PBX1: variants seen among roughly 807,000 people sequenced by gnomAD.
The protein encoded by PBX1 is PBX homeobox 1.
Under a neutral mutation model 53.4 loss-of-function variants are expected in PBX1, and 6 were observed. That is an observed-to-expected ratio of 0.11 (90% CI 0.06 to 0.22). PBX1 has a LOEUF of 0.22. Ranked by LOEUF, PBX1 falls within the 10% of genes least tolerant of loss-of-function variation. PBX1 has a pLI of 1.00. For synonymous variants in PBX1, 204 were observed against 212.3 expected (o/e 0.96, Z 0.34); for missense variants, 251 against 551.4 (o/e 0.46, Z 5.46).
chr1:164,785,030 G>A lies in PBX1; in HGVS notation c.266-7464G>A, dbSNP rs565979801. 9.8e-5 allele frequency among the ~76,000 whole-genome samples: 15 copies of A among 152,300 alleles called. No individual in the cohort carries two copies. In the South Asian group the frequency reaches 3.1e-3, roughly 32 times the overall value. ...CTAGAGGGCTGAGAGACAACCCGGG[G>A]GAACAAGGGTGGCTTTCAACATTTG... On this transcript the variant is annotated intron_variant, in intron 2 of 8. Transcript: ENST00000420696.
intron 2 of PBX1, among the ~76,000 whole-genome samples, chr1:164,574,798 A>G (rs1654107667): frequency 1.3e-5 from 2 of 152,226 alleles, no homozygotes; most frequent in South Asian, 4.1e-4. Flanking sequence ...CCTGGCCAAC[A>G]TGGCGAAATG....
At chr1:164,590,321 C>T (rs1415415466) in intron 2 of PBX1, 3 of 455,686 alleles carry the variant, frequency 6.6e-6, no homozygotes, top group Admixed American at 2.4e-5. Context: ...GTCCCAGCCT[C>T]ATTAGGAGCT....
chr1:164,700,208 G>A (rs1002897088), intron 2 of PBX1, among the ~76,000 whole-genome samples: 1 of 152,142 alleles, frequency 6.6e-6, no homozygotes, highest in African/African-American at 2.4e-5. Context: ...TCTTCAGGCA[G>A]GGAAGCCAGC....
chr1:164,611,943 T>C (rs1656965207), intron 2 of PBX1, among the ~76,000 whole-genome samples: 1 of 152,190 alleles, frequency 6.6e-6, no homozygotes, highest in African/African-American at 2.4e-5. Context: ...GGTGTTTTGA[T>C]AGTGTCAGGT....
intron 2 of PBX1, among the ~76,000 whole-genome samples, chr1:164,690,629 T>TA (rs34662653): frequency 0.36 from 52,384 of 145,812 alleles, 9,110 homozygotes; most frequent in East Asian, 0.48. Flanking sequence ...AAGCTTTTCT[T>TA]AAAAAAAAAA....
chr1:164,781,058 C>A (rs1287508067), intron 2 of PBX1, among the ~76,000 whole-genome samples: 2 of 152,180 alleles, frequency 1.3e-5, no homozygotes, highest in Non-Finnish European at 2.9e-5. Flanking sequence ...GACTCATTAG[C>A]AGCACGGCAT....
At chr1:164,843,849 T>TG (rs1671424505) in intron 8 of PBX1, among the ~76,000 whole-genome samples, 1 of 152,164 alleles carries the variant, frequency 6.6e-6, no homozygotes, top group South Asian at 2.1e-4. Context: ...CAATATAGAA[T>TG]GCCTTGTCAA....
At chr1:164,686,966 A>C (rs560016287) in intron 2 of PBX1, among the ~76,000 whole-genome samples, 15 of 151,032 alleles carry the variant, frequency 9.9e-5, no homozygotes, top group African/African-American at 2.9e-4. Flanking sequence ...CAAAAAAAAA[A>C]CCAAAAAAAC....
intron 2 of PBX1, among the ~76,000 whole-genome samples, chr1:164,593,966 C>T (rs1292968474): frequency 6.6e-6 from 1 of 152,184 alleles, no homozygotes; most frequent in Non-Finnish European, 1.5e-5. Context: ...TCACTTTTCC[C>T]ACTTTAGCCT....
At chr1:164,884,005 G>C (rs889866000) in intron 2 of PBX1, among the ~76,000 whole-genome samples, 1 of 152,126 alleles carries the variant, frequency 6.6e-6, no homozygotes, top group Non-Finnish European at 1.5e-5. Flanking sequence ...AGGGGAAGGG[G>C]AAAACCATTG....
intron 2 of PBX1, among the ~76,000 whole-genome samples, chr1:164,697,146 G>A (rs539515738): frequency 1.1e-4 from 17 of 152,234 alleles, no homozygotes; most frequent in East Asian, 5.8e-4. Context: ...TCATTATCTC[G>A]TTTAATCCTC....
At chr1:164,872,842 A>G (rs1672413972) in intron 2 of PBX1, among the ~76,000 whole-genome samples, 1 of 152,132 alleles carries the variant, frequency 6.6e-6, no homozygotes, top group African/African-American at 2.4e-5. Flanking sequence ...ATCCTATTAG[A>G]TTTGGTCCTT....
chr1:164,673,309 A>C (rs1225251963), intron 2 of PBX1, among the ~76,000 whole-genome samples: 1 of 152,078 alleles, frequency 6.6e-6, no homozygotes, highest in Non-Finnish European at 1.5e-5. Flanking sequence ...TGCTCCCCAG[A>C]AAGGGTTGGA....
intron 2 of PBX1, among the ~76,000 whole-genome samples, chr1:164,719,804 C>T (rs1664305421): frequency 6.6e-6 from 1 of 152,076 alleles, no homozygotes; most frequent in Admixed American, 6.6e-5. Context: ...TGTATACATG[C>T]ATTCATTTGT....
downstream of PBX1, among the ~76,000 whole-genome samples, chr1:164,852,845 G>A (rs1429774709): frequency 6.6e-6 from 1 of 152,170 alleles, no homozygotes; most frequent in East Asian, 1.9e-4. Flanking sequence ...AAGCCAAAAT[G>A]GAGGACTCGT....
chr1:164,786,727 G>GCGCGCGCACGCA (rs1318395235), intron 2 of PBX1, among the ~76,000 whole-genome samples: 1 of 136,512 alleles, frequency 7.3e-6, no homozygotes, highest in African/African-American at 2.7e-5. Context: ...GTGTGCGCGC[G>GCGCGCGCACGCA]CACACACACA....
intron 8 of PBX1, among the ~76,000 whole-genome samples, chr1:164,839,374 TA>T (rs1671188367): frequency 6.6e-6 from 1 of 152,224 alleles, no homozygotes; most frequent in Non-Finnish European, 1.5e-5. Flanking sequence ...TTTACGTAAT[TA>T]AAAACTAAGT....
chr1:164,870,218 TTTCCTTCCTTCCTTCC>T lies in PBX1; in HGVS notation n.258-28934_258-28919del, dbSNP rs1553255671. Among the ~76,000 whole-genome samples, 6 of 55,190 alleles carry T rather than the reference TTTCCTTCCTTCCTTCC, an allele frequency of 1.1e-4. 1 individual carries two copies. The highest frequency in any genetic ancestry group is 5.2e-4 in the South Asian group (1 of 1,924). 36.2% of individuals were successfully genotyped at this position (55,190 alleles called of 152,430 possible). On this transcript the variant is annotated intron_variant and non_coding_transcript_variant, in intron 2 of 2. Coordinates refer to the PBX1 transcript ENST00000558796. Reference sequence around the variant, plus strand: ...TTTCTTTCTTTCTTTCTTTTCTTTCTTTCCTTCCTTCCTTCCTTCCTTCCTTCCTTCCTTCCTTCCT... The same window carrying T: ...TTTCTTTCTTTCTTTCTTTTCTTTCTTTCCTTCCTTCCTTCCTTCCTTCCT...
chr1:164,788,391 T>C (rs1054901241), intron 2 of PBX1, among the ~76,000 whole-genome samples: 2 of 151,856 alleles, frequency 1.3e-5, no homozygotes, highest in Non-Finnish European at 2.9e-5. Flanking sequence ...TTGGTGTTTT[T>C]TTTTTTTTTT....
Sources: allele counts gnomAD v4.1 joint callset (sites outside exome capture counted in the v4.1 genomes callset), GRCh38; gene constraint gnomAD v4.1.1; transcripts MANE v1.5; gene names NCBI Gene and HGNC (gene_info 2026-07-23, HGNC 2026-07-21).